ALDH1L2: variants seen among roughly 807,000 people sequenced by gnomAD.
ALDH1L2 encodes mitochondrial 10-formyltetrahydrofolate dehydrogenase.
ALDH1L2 carries 91 observed loss-of-function variants against 111.0 expected under a neutral mutation model. That is an observed-to-expected ratio of 0.82 (90% confidence interval 0.69 to 0.98). The LOEUF (loss-of-function observed/expected upper bound fraction) is 0.98. ALDH1L2 is among the 50% of genes least tolerant of loss of function. ALDH1L2 has a pLI of 0.00. For synonymous variants in ALDH1L2, 374 were observed against 392.6 expected, an observed-to-expected ratio of 0.95 and a Z score of 0.56; for missense variants, 995 against 1,126.8, an observed-to-expected ratio of 0.88 and a Z score of 1.67.
chr12:105,024,233 C>G lies in ALDH1L2; in HGVS notation c.*191G>C. 1.6e-6 allele frequency: 1 copy of G among 619,160 alleles called. No homozygotes were observed. The highest frequency in any genetic ancestry group is 2.9e-5 in the Admixed American group (1 of 34,064). 38.4% of individuals were successfully genotyped at this position (619,160 alleles called of 1,614,324 possible). A position where few individuals can be genotyped will look rare whatever the true frequency, so the allele number is the denominator to read the frequency against. On this transcript the variant is annotated 3_prime_UTR_variant, in exon 23 of 23. Coordinates refer to ENST00000258494, the MANE Select transcript of ALDH1L2 (RefSeq NM_001034173.4). Reference sequence around the variant, plus strand: ...GTCAAAATGCAACAACTCCAAATCACTGGAAGGTGTATTAGAAAATACTCA... The same window carrying G: ...GTCAAAATGCAACAACTCCAAATCAGTGGAAGGTGTATTAGAAAATACTCA...
chr12:105,032,339 G>A (rs551129823), intron 19 of ALDH1L2, among the ~76,000 whole-genome samples: 11 of 151,826 alleles, frequency 7.2e-5, no homozygotes, highest in South Asian at 6.3e-4. Context: ...CACTGCGTCC[G>A]GCTATTCTCA....
Position 105,030,384 on chromosome 12 carries a change from A to G in ALDH1L2, c.2456T>C (p.Met819Thr), listed in dbSNP as rs1874635089. ...PTVFTDVEDYMYLAKEESFGP... is the reference protein window; with the variant it reads ...PTVFTDVEDYTYLAKEESFGP... ...AAAGGATTCCTCTTTGGCGAGGTAC[A>G]TGTAGTCTTCCACATCTGTGAACAC... Residue 819 changes from methionine (M) to threonine (T), a missense_variant, in exon 21 of 23, where the codon ATG (methionine) becomes ACG (threonine). By Grantham distance (81) the Met-to-Thr change is moderately conservative. Transcript: ENST00000258494. The G allele has an allele frequency of 4.3e-6, 7 of 1,613,562 alleles. No homozygotes were observed. Among genetic ancestry groups the G allele is most frequent in the Non-Finnish European group, 5.9e-6 (7 of 1,179,720 alleles).
intron 1 of ALDH1L2, among the ~76,000 whole-genome samples, chr12:105,078,511 G>A (rs1878183673): frequency 6.6e-6 from 1 of 152,112 alleles, no homozygotes; most frequent in Admixed American, 6.5e-5. Flanking sequence ...GGTCTGTGGC[G>A]CCGTATAGCA....
In ALDH1L2 at chr12:105,023,368, A is replaced by G. The variant is rs1032907757; in HGVS notation, c.*1056T>C. ...CTATTGCCATTTTTCATTGTGTGGC[A>G]TTTTTCAGTGCTGCTGTATCAGGCA... is the stretch of plus-strand genomic sequence containing the variant. On this transcript the variant is annotated 3_prime_UTR_variant, in exon 23 of 23. Coordinates refer to ENST00000258494, the MANE Select transcript of ALDH1L2 (RefSeq NM_001034173.4). The G allele has an allele frequency of 4.6e-5, 7 of 152,196 alleles. No individual in the cohort carries two copies. Among genetic ancestry groups the G allele is most frequent in the Non-Finnish European group, 8.8e-5 (6 of 68,030 alleles). 9.4% of individuals were successfully genotyped at this position (152,196 alleles called of 1,614,324 possible).
intron 1 of ALDH1L2, among the ~76,000 whole-genome samples, chr12:105,078,767 C>T (rs868166558): frequency 1.1e-4 from 16 of 152,128 alleles, no homozygotes; most frequent in South Asian, 2.1e-4. Context: ...GGTTAAGAGA[C>T]GAGAAGCCTT....
At chr12:105,041,403 G>A (rs1284569670) in intron 15 of ALDH1L2, among the ~76,000 whole-genome samples, 1 of 152,208 alleles carries the variant, frequency 6.6e-6, no homozygotes, top group African/African-American at 2.4e-5. Context: ...GAGCGATGCT[G>A]AGCTTTTCTC....
rs1264587183 is a variant in ALDH1L2, at chr12:105,058,152, G to T, written c.1208C>A (p.Thr403Asn). ...QLQNEDVYMA[T>N]KFEGFIQKVV... ...CTTTTGGATAAAGCCTTCAAACTTG[G>T]TGGCCATATAGACATCTTCATTCTG... Residue 403 changes from threonine (T) to asparagine (N), a missense_variant, in exon 10 of 23, where the codon ACC (threonine) becomes AAC (asparagine). Thr to Asn is a moderately conservative substitution (Grantham distance 65, BLOSUM62 0). Coordinates refer to ENST00000258494, the MANE Select transcript of ALDH1L2 (RefSeq NM_001034173.4). 15 of 1,613,344 alleles carry T rather than the reference G, an allele frequency of 9.3e-6. No individual in the cohort carries two copies. The highest frequency in any genetic ancestry group is 1.3e-5 in the Non-Finnish European group (15 of 1,179,786).
chr12:105,025,178 A>G (rs1173644924), intron 22 of ALDH1L2, among the ~76,000 whole-genome samples: 1 of 152,188 alleles, frequency 6.6e-6, no homozygotes, highest in East Asian at 1.9e-4. Flanking sequence ...AAGCTGAGCT[A>G]AAACAAGGGC....
At chr12:105,057,011 A>G (rs1035236907) in intron 10 of ALDH1L2, among the ~76,000 whole-genome samples, 1 of 151,448 alleles carries the variant, frequency 6.6e-6, no homozygotes, top group Non-Finnish European at 1.5e-5. Flanking sequence ...CAAATCTTAC[A>G]TCTGATAAGG....
At chr12:105,079,612 G>A (rs1014925439) in intron 1 of ALDH1L2, among the ~76,000 whole-genome samples, 9 of 151,862 alleles carry the variant, frequency 5.9e-5, no homozygotes, top group African/African-American at 1.7e-4. Context: ...GTCCAGAAAC[G>A]GACTCCAGTA....
rs7134351 is a variant in ALDH1L2, at chr12:105,061,439, T to C, written c.1047+188A>G. 0.28 allele frequency among the ~76,000 whole-genome samples: 42,104 copies of C among 152,058 alleles called. 6,929 individuals are homozygous for C. The highest frequency in any genetic ancestry group is 0.46 in the African/African-American group (19,105 of 41,438). ...ACCTGGAACTGCCTTGGATGACTTA[T>C]GTGAAAAATCAGTTTGTATATACTG... On this transcript the variant is annotated intron_variant, in intron 8 of 22. Transcript: ENST00000258494.
chr12:105,042,709 G>T (rs1268705963), intron 15 of ALDH1L2, among the ~76,000 whole-genome samples: 1 of 152,054 alleles, frequency 6.6e-6, no homozygotes, highest in Non-Finnish European at 1.5e-5. Context: ...TTCATCCCAT[G>T]TTCTATAGAT....
chr12:105,035,220 T>G (rs975710672), intron 18 of ALDH1L2, among the ~76,000 whole-genome samples: 2 of 152,014 alleles, frequency 1.3e-5, no homozygotes, highest in Non-Finnish European at 2.9e-5. Context: ...CTAGAAAATC[T>G]AGATTATTCT....
intron 6 of ALDH1L2, among the ~76,000 whole-genome samples, chr12:105,063,487 A>AAAG (rs1877137659): frequency 1.3e-5 from 2 of 151,908 alleles, no homozygotes; most frequent in African/African-American, 4.8e-5. Context: ...AAGAAAAAAA[A>AAAG]AAAGAAAGAA....
intron 19 of ALDH1L2, 130 bp downstream of exon 19, chr12:105,034,170 T>C (rs1874852958): frequency 1.2e-6 from 1 of 806,660 alleles, no homozygotes; most frequent in African/African-American, 1.8e-5. Context: ...AACTAGGGAC[T>C]GATTTTTTTT....
At chr12:105,075,879 G>A (rs577285819) in intron 1 of ALDH1L2, among the ~76,000 whole-genome samples, 9 of 152,104 alleles carry the variant, frequency 5.9e-5, no homozygotes, top group Non-Finnish European at 1.0e-4. Flanking sequence ...TCCGCCTCCC[G>A]GGTTCAAGTG....
In ALDH1L2 at chr12:105,052,819, T is replaced by A. The variant is rs767166306; in HGVS notation, c.1400A>T (p.Asp467Val). 6.8e-6 allele frequency: 11 copies of A among 1,614,150 alleles called. No individual in the cohort carries two copies. In the Admixed American group the frequency reaches 1.8e-4, roughly 27 times the overall value. Reference sequence around the variant, plus strand: ...CACTAAAGAATTACTCACAGATCCATCTGTTGGGTTGATAGTGTCGTAAGT... The same window carrying A: ...CACTAAAGAATTACTCACAGATCCAACTGTTGGGTTGATAGTGTCGTAAGT... ...GKTYDTINPT[D>V]GSTICKVSYA... The change falls in exon 11 of 23, where the codon GAT becomes GTT. Residue 467 changes from aspartate to valine, a missense_variant. By Grantham distance (152) the Asp-to-Val change is radical. Coordinates refer to ENST00000258494, the MANE Select transcript of ALDH1L2 (RefSeq NM_001034173.4).
At chr12:105,034,916 G>A (rs187975789) in intron 18 of ALDH1L2, among the ~76,000 whole-genome samples, 120 of 152,146 alleles carry the variant, frequency 7.9e-4, no homozygotes, top group Non-Finnish European at 1.5e-3. Flanking sequence ...CCCAGGAGGC[G>A]GAGGTTGCAG....
intron 6 of ALDH1L2, among the ~76,000 whole-genome samples, chr12:105,064,790 C>T (rs79956438): frequency 0.053 from 8,087 of 152,178 alleles, 706 homozygotes; most frequent in African/African-American, 0.19. Flanking sequence ...AGGCCCTGCC[C>T]GCCTCTCCCG....
Sources: allele counts gnomAD v4.1 joint callset (sites outside exome capture counted in the v4.1 genomes callset), GRCh38; gene constraint gnomAD v4.1.1; transcripts MANE v1.5; gene names NCBI Gene and HGNC (gene_info 2026-07-23, HGNC 2026-07-21).